The following ADAMTS9 variants were observed in gnomAD, a reference collection of about 807,000 sequenced individuals.
ADAMTS9 encodes the protein ADAM metallopeptidase with thrombospondin type 1 motif 9.
In ADAMTS9, 107 loss-of-function variants were observed where a neutral mutation model predicts 257.1. The ratio of observed to expected loss-of-function variants is 0.42; its 90% CI spans 0.36 to 0.49. The LOEUF is 0.49. Among genes scored for constraint, ADAMTS9 ranks in the 20% least tolerant of loss-of-function variants. The probability of loss-of-function intolerance (pLI) is 0.03; values close to 1 mark genes in which losing one functional copy is unlikely to be tolerated. For synonymous variants in ADAMTS9, 982 were observed against 880.9 expected (o/e 1.11, Z -2.03); for missense variants, 2,353 against 2,469.1 (o/e 0.95, Z 1.00).
intron 30 of ADAMTS9, among the ~76,000 whole-genome samples, chr3:64,555,686 T>C (rs12637910): frequency 0.5 from 76,499 of 151,828 alleles, 20,099 homozygotes; most frequent in East Asian, 0.69. Flanking sequence ...GCTGCAAAGG[T>C]GGGCCCAGGT....
chr3:64,517,439 T>TTTTTTTTTTTTTTTTTTTTA (rs3070295), intron 39 of ADAMTS9, among the ~76,000 whole-genome samples: 1 of 137,056 alleles, frequency 7.3e-6, no homozygotes, highest in Non-Finnish European at 1.6e-5. Context: ...TTTTTTTTTT[T>TTTTTTTTTTTTTTTTTTTTA]GCAGAAATGG....
chr3:64,602,345 T>C, intron 25 of ADAMTS9, 132 bp from the exon 26 acceptor site: 2 of 963,324 alleles, frequency 2.1e-6, no homozygotes, highest in South Asian at 1.7e-5. Context: ...GAATCACCCT[T>C]GTCTCCTCTT....
chr3:64,522,879 T>C (rs1375301965), intron 38 of ADAMTS9, among the ~76,000 whole-genome samples: 1 of 152,174 alleles, frequency 6.6e-6, no homozygotes, highest in Non-Finnish European at 1.5e-5. Flanking sequence ...TGTTATCAAA[T>C]TTAGATGACA....
Position 64,651,018 on chromosome 3 carries a change from C to G in ADAMTS9, c.1462G>C (p.Asp488His). 1 of 1,601,886 alleles carries G rather than the reference C, an allele frequency of 6.2e-7. No homozygotes were observed. The change falls in exon 9 of 40, where the codon GAC (aspartate) becomes CAC (histidine). Residue 488 changes from aspartate (D) to histidine (H), a missense_variant and splice_region_variant. Transcript: ENST00000498707. ...GCTAAAAGAATGTTCAAGTCTTACT[C>G]TAAAAACTCAGTGATATATTTTCGA... Reference protein sequence around the residue: ...CSRKYITEFLDTGYGECLLNE... With the variant: ...CSRKYITEFLHTGYGECLLNE...
rs538361314 is a variant in ADAMTS9, at chr3:64,543,723, C to T, written c.5065-1753G>A. On this transcript the variant is annotated intron_variant, in intron 32 of 39. Transcript: ENST00000498707. The stretch of plus-strand genomic sequence containing the variant: ...AAATTGGCACAAGACAGGGATGCCC[C>T]CTCTCACCACTCCTATTCAACATAG... 9.2e-5 allele frequency among the ~76,000 whole-genome samples: 14 copies of T among 152,232 alleles called. No homozygotes were observed. In the East Asian group the frequency reaches 2.5e-3, roughly 27 times the overall value.
intron 8 of ADAMTS9, among the ~76,000 whole-genome samples, chr3:64,651,732 T>C (rs909897317): frequency 6.6e-5 from 10 of 152,136 alleles, no homozygotes; most frequent in African/African-American, 2.2e-4. Flanking sequence ...CCATGAAAGG[T>C]AGTGGTATGC....
intron 32 of ADAMTS9, among the ~76,000 whole-genome samples, chr3:64,544,862 C>G (rs1172931128): frequency 2.0e-5 from 3 of 152,042 alleles, no homozygotes; most frequent in Admixed American, 1.3e-4. Flanking sequence ...TACAATCTAC[C>G]CATCTGACAA....
intron 12 of ADAMTS9, among the ~76,000 whole-genome samples, chr3:64,637,649 G>A (rs963604123): frequency 6.6e-6 from 1 of 152,210 alleles, no homozygotes; most frequent in Non-Finnish European, 1.5e-5. Context: ...CGATGAATTA[G>A]GGTAGTCAGA....
intron 3 of ADAMTS9, among the ~76,000 whole-genome samples, chr3:64,665,767 G>T (rs1701339817): frequency 6.6e-6 from 1 of 152,208 alleles, no homozygotes; most frequent in South Asian, 2.1e-4. Flanking sequence ...CAGAAGTGCT[G>T]AGGGCTGGTC....
rs866060483 is a variant in ADAMTS9 at position 64,649,856 on chromosome 3, C to T, written c.1464-78G>A. The T allele has an allele frequency of 2.4e-5, 36 of 1,489,724 alleles. No homozygotes were observed. The Middle Eastern group carries it at 1.4e-3, about 58-fold the overall frequency. 92.3% of individuals were successfully genotyped at this position (1,489,724 alleles called of 1,614,324 possible). Reference sequence around the variant, plus strand: ...CTCCCCCAGGTAACAGTAAAGGCCACCCCACCATTGTAATGGTAGAGAGGA... The same window carrying T: ...CTCCCCCAGGTAACAGTAAAGGCCATCCCACCATTGTAATGGTAGAGAGGA... On this transcript the variant is annotated intron_variant, in intron 9 of 39. Transcript: ENST00000498707.
intron 36 of ADAMTS9, among the ~76,000 whole-genome samples, chr3:64,540,034 G>A (rs968863500): frequency 1.3e-5 from 2 of 152,136 alleles, no homozygotes; most frequent in Admixed American, 6.5e-5. Context: ...TTTCTGCCTC[G>A]TCTTTCAGGA....
At chr3:64,594,585 T>A (rs1576095394) in intron 27 of ADAMTS9, 151 bp from the exon 28 acceptor site, 1 of 887,104 alleles carries the variant, frequency 1.1e-6, no homozygotes, top group East Asian at 2.6e-5. Flanking sequence ...CCAATAGTGA[T>A]ACGTAAAACA....
At chr3:64,564,478 C>G (rs538185493) in intron 29 of ADAMTS9, among the ~76,000 whole-genome samples, 12 of 152,250 alleles carry the variant, frequency 7.9e-5, no homozygotes, top group Middle Eastern at 3.4e-3. Flanking sequence ...ACTATATAAA[C>G]CAACTTTTAT....
intron 22 of ADAMTS9, 107 bp from the exon 23 acceptor site, chr3:64,607,186 A>G: frequency 2.0e-6 from 3 of 1,471,250 alleles, no homozygotes; most frequent in Non-Finnish European, 1.8e-6. Flanking sequence ...ACAGTAGGCC[A>G]GAGGGCTGGC....
At chr3:64,647,824 T>C (rs1447246160) in intron 11 of ADAMTS9, 116 bp downstream of exon 11, 2 of 806,326 alleles carry the variant, frequency 2.5e-6, no homozygotes, top group East Asian at 2.8e-5. Flanking sequence ...AAAAATATTA[T>C]GCAAGCTAAA....
At position 64,607,077 on chromosome 3, in the gene ADAMTS9, G is replaced by A; in HGVS notation, c.3357C>T (p.Cys1119=). The change falls in exon 23 of 40, where the codon TGC becomes TGT. Residue 1119 remains cysteine (C), a splice_region_variant and synonymous_variant. Coordinates refer to ENST00000498707, the MANE Select transcript of ADAMTS9 (RefSeq NM_182920.2). The part of the protein sequence containing the change: ...ASWQAGPWGQ[C]SVTCGQGYQL... ...GGTATCCCTGTCCACAAGTGACACT[G>A]CACTGGAAGAAGGAGGACAAAAGGT... 6.2e-7 allele frequency: 1 copy of A among 1,613,440 alleles called. No individual in the cohort carries two copies. Among genetic ancestry groups the A allele is most frequent in the South Asian group, 1.1e-5 (1 of 91,050 alleles).
intron 25 of ADAMTS9, among the ~76,000 whole-genome samples, 162 bp from the exon 26 acceptor site, chr3:64,602,375 A>G (rs2084479700): frequency 6.6e-6 from 1 of 152,150 alleles, no homozygotes; most frequent in South Asian, 2.1e-4. Context: ...TCCCATATCC[A>G]TTTCAGTGAG....
intron 30 of ADAMTS9, among the ~76,000 whole-genome samples, chr3:64,554,939 T>G (rs1232972263): frequency 6.6e-6 from 1 of 152,262 alleles, no homozygotes; most frequent in Non-Finnish European, 1.5e-5. Flanking sequence ...AAATTTTCTT[T>G]GCTTAAAGAT....
At chr3:64,638,994 G>C (rs970333405) in intron 12 of ADAMTS9, among the ~76,000 whole-genome samples, 3 of 152,032 alleles carry the variant, frequency 2.0e-5, no homozygotes, top group Non-Finnish European at 2.9e-5. Context: ...TTCCCAGTGA[G>C]GGGGGCAGCT....
Sources: gnomAD v4.1 joint callset for allele counts (sites outside exome capture counted in the v4.1 genomes callset) on GRCh38, gnomAD v4.1.1 for gene constraint, MANE v1.5 for transcripts, NCBI Gene and HGNC (gene_info 2026-07-23, HGNC 2026-07-21) for gene names.